ARHGAP26: variants seen among roughly 807,000 people sequenced by gnomAD.
ARHGAP26 encodes the protein Rho GTPase activating protein 26, also known as rho GTPase-activating protein 26.
In ARHGAP26, 38 loss-of-function variants were observed where a neutral mutation model predicts 104.8. The ratio of observed to expected loss-of-function variants is 0.36; its 90% CI spans 0.28 to 0.48. The LOEUF (loss-of-function observed/expected upper bound fraction) is 0.48. ARHGAP26 is among the 20% of genes least tolerant of loss of function. The pLI is 0.99. For synonymous variants in ARHGAP26, 341 were observed against 340.0 expected, an observed-to-expected ratio of 1.00 and a Z score of -0.03; for missense variants, 704 against 947.9, an observed-to-expected ratio of 0.74 and a Z score of 3.38.
chr5:143,175,912 G>C (rs887439500), intron 20 of ARHGAP26, among the ~76,000 whole-genome samples: 1 of 152,084 alleles, frequency 6.6e-6, no homozygotes, highest in East Asian at 1.9e-4. Context: ...TCAGGAGTTC[G>C]AGACCAGCCT....
At chr5:143,086,127 G>A (rs1790558442) in intron 17 of ARHGAP26, among the ~76,000 whole-genome samples, 1 of 152,088 alleles carries the variant, frequency 6.6e-6, no homozygotes, top group Admixed American at 6.5e-5. Flanking sequence ...ATCAGATCTT[G>A]TCATCAGATA....
chr5:142,856,901 G>T (rs1160406877), intron 1 of ARHGAP26, among the ~76,000 whole-genome samples: 1 of 152,200 alleles, frequency 6.6e-6, no homozygotes, highest in African/African-American at 2.4e-5. Flanking sequence ...ACTGTACCAT[G>T]AACTGGGTGG....
chr5:143,064,046 T>C (rs368369824), intron 17 of ARHGAP26, among the ~76,000 whole-genome samples: 10 of 152,292 alleles, frequency 6.6e-5, no homozygotes, highest in African/African-American at 2.4e-4. Flanking sequence ...GGTGGTATCC[T>C]ACACATTACT....
At chr5:142,773,807 T>C (rs768263449) in intron 1 of ARHGAP26, among the ~76,000 whole-genome samples, 3 of 152,180 alleles carry the variant, frequency 2.0e-5, no homozygotes, top group Non-Finnish European at 4.4e-5. Flanking sequence ...CTGAGTAATA[T>C]AGCATTGAAC....
chr5:143,133,508 A>G (rs1255412867), intron 18 of ARHGAP26, among the ~76,000 whole-genome samples: 4 of 152,242 alleles, frequency 2.6e-5, no homozygotes, highest in Non-Finnish European at 5.9e-5. Context: ...GTGAAATGTT[A>G]TTTAAATACA....
intron 13 of ARHGAP26, among the ~76,000 whole-genome samples, chr5:143,037,490 G>A (rs246633): frequency 0.27 from 40,519 of 152,042 alleles, 10,008 homozygotes; most frequent in African/African-American, 0.65. Flanking sequence ...TCTAAAATAC[G>A]TATGATTATA....
intron 17 of ARHGAP26, among the ~76,000 whole-genome samples, chr5:143,060,698 G>C (rs76179606): frequency 0.021 from 3,143 of 151,860 alleles, 88 homozygotes; most frequent in African/African-American, 0.07. Flanking sequence ...AGAATAACCC[G>C]GGGCGCTTGT....
At chr5:142,789,721 A>G (rs1360644795) in intron 1 of ARHGAP26, among the ~76,000 whole-genome samples, 3 of 152,106 alleles carry the variant, frequency 2.0e-5, no homozygotes, top group African/African-American at 7.2e-5. Flanking sequence ...ACCCCCACCC[A>G]TACACACTCC....
intron 17 of ARHGAP26, among the ~76,000 whole-genome samples, chr5:143,101,146 T>G (rs1793173105): frequency 6.6e-6 from 1 of 152,134 alleles, no homozygotes; most frequent in Non-Finnish European, 1.5e-5. Flanking sequence ...ATTCTTCACT[T>G]GAGAAGCATC....
chr5:143,096,767 A>G (rs1422981540), intron 17 of ARHGAP26, among the ~76,000 whole-genome samples: 2 of 151,944 alleles, frequency 1.3e-5, no homozygotes, highest in African/African-American at 4.8e-5. Flanking sequence ...GTCTAGATTC[A>G]TGCGAAGCAT....
chr5:142,963,177 T>C (rs1312357281), intron 11 of ARHGAP26, among the ~76,000 whole-genome samples: 1 of 101,670 alleles, frequency 9.8e-6, no homozygotes, highest in African/African-American at 6.4e-5. Context: ...TATATGTATA[T>C]ATATATATAT....
chr5:143,172,185 C>T (rs960312721), intron 20 of ARHGAP26, among the ~76,000 whole-genome samples: 6 of 152,196 alleles, frequency 3.9e-5, no homozygotes, highest in Middle Eastern at 3.4e-3. Context: ...TCTGTACATG[C>T]ATGCGTGTGT....
chr5:142,902,848 A>G (rs187868184), intron 7 of ARHGAP26, among the ~76,000 whole-genome samples: 1 of 152,352 alleles, frequency 6.6e-6, no homozygotes, highest in East Asian at 1.9e-4. Flanking sequence ...CGAGATTGAC[A>G]TGCAGTGGGC....
At chr5:143,146,616 G>A (rs1051930493) in intron 19 of ARHGAP26, among the ~76,000 whole-genome samples, 1 of 152,198 alleles carries the variant, frequency 6.6e-6, no homozygotes, top group African/African-American at 2.4e-5. Context: ...CCATTACAGA[G>A]CGATTTATCA....
chr5:143,021,927 T>C (rs1419039192), intron 12 of ARHGAP26, among the ~76,000 whole-genome samples: 1 of 152,222 alleles, frequency 6.6e-6, no homozygotes, highest in Non-Finnish European at 1.5e-5. Flanking sequence ...TCCTCGTTAC[T>C]GTATTTCTCA....
In ARHGAP26 at chr5:143,042,403, G is replaced by A. The variant is rs113192312; in HGVS notation, c.1285+513G>A. ...TCCTCTTTGCTTCTAGATTTCAACC[G>A]AATACCTGTCACTTGAGCAGCAGAA... On this transcript the variant is annotated intron_variant, in intron 14 of 22. Transcript: ENST00000645722. Among the ~76,000 whole-genome samples, 713 of 152,244 alleles carry A rather than the reference G, an allele frequency of 4.7e-3. 3 individuals carry two copies. The highest frequency in any genetic ancestry group is 0.016 in the African/African-American group (682 of 41,530).
At chr5:142,942,008 CTT>C (rs929586483) in intron 11 of ARHGAP26, among the ~76,000 whole-genome samples, 3 of 145,368 alleles carry the variant, frequency 2.1e-5, no homozygotes, top group African/African-American at 5.0e-5. Context: ...ACAGAAATTT[CTT>C]TTTTTTTTTG....
intron 1 of ARHGAP26, among the ~76,000 whole-genome samples, chr5:142,783,068 G>A (rs7728894): frequency 0.42 from 63,939 of 151,904 alleles, 18,800 homozygotes; most frequent in African/African-American, 0.84. Flanking sequence ...CCACACATTA[G>A]GTCTAAATAG....
intron 20 of ARHGAP26, chr5:143,193,773 C>T (rs1039805370): frequency 1.3e-5 from 2 of 152,138 alleles, no homozygotes; most frequent in Non-Finnish European, 2.9e-5. Flanking sequence ...ACATAATTTT[C>T]ATTATATTGT....
Sources: gnomAD v4.1 joint callset for allele counts (sites outside exome capture counted in the v4.1 genomes callset) on GRCh38, gnomAD v4.1.1 for gene constraint, MANE v1.5 for transcripts, NCBI Gene and HGNC (gene_info 2026-07-23, HGNC 2026-07-21) for gene names.